PCSK2: variants seen among roughly 807,000 people sequenced by gnomAD.
PCSK2 encodes neuroendocrine convertase 2.
PCSK2 carries 14 observed loss-of-function variants against 69.7 expected under a neutral mutation model. The ratio of observed to expected loss-of-function variants is 0.20; its 90% CI spans 0.13 to 0.31. The LOEUF (loss-of-function observed/expected upper bound fraction) is 0.31, where lower values mean the gene tolerates loss of function less well. Among genes scored for constraint, PCSK2 ranks in the 10% least tolerant of loss-of-function variants. PCSK2 has a pLI of 1.00. For missense variants in PCSK2, 544 were observed against 842.5 expected, an observed-to-expected ratio of 0.65 and a Z score of 4.39; for synonymous variants, 307 against 320.7, an observed-to-expected ratio of 0.96 and a Z score of 0.46.
Position 17,358,137 on chromosome 20 carries a change from C to CA in PCSK2, c.283-190_283-189insA, listed in dbSNP as rs577788732. Among the ~76,000 whole-genome samples, 531 of 151,680 alleles carry CA rather than the reference C, an allele frequency of 3.5e-3. 9 individuals carry two copies. The highest frequency in any genetic ancestry group is 0.012 in the African/African-American group (504 of 41,358). On this transcript the variant is annotated intron_variant, in intron 2 of 11. Coordinates refer to ENST00000262545, the MANE Select transcript of PCSK2 (RefSeq NM_002594.5). ...CCTGGGAAACATAGCGAGACCCCCCCTAATCTCTACAAAAAAATACAAAAT... is the reference window on the plus strand; with the variant it reads ...CCTGGGAAACATAGCGAGACCCCCCCATAATCTCTACAAAAAAATACAAAAT...
intron 5 of PCSK2, among the ~76,000 whole-genome samples, chr20:17,386,813 G>GT (rs1274000614): frequency 2.0e-5 from 3 of 152,066 alleles, no homozygotes; most frequent in African/African-American, 7.2e-5. Context: ...TGAATACATC[G>GT]TTTTTTAAAT....
At chr20:17,232,382 G>A (rs1986171313) in intron 1 of PCSK2, among the ~76,000 whole-genome samples, 1 of 152,220 alleles carries the variant, frequency 6.6e-6, no homozygotes, top group Non-Finnish European at 1.5e-5. Context: ...CTGGTGGTAT[G>A]TAGTAGTGTC....
chr20:17,313,045 A>G (rs1315336858), intron 2 of PCSK2, among the ~76,000 whole-genome samples: 3 of 152,328 alleles, frequency 2.0e-5, no homozygotes, highest in Admixed American at 2.0e-4. Context: ...GTGATCTTAA[A>G]TTTTCTAGTG....
rs780859674 is a variant in PCSK2 at position 17,465,535 on chromosome 20, G to A, written c.1412G>A (p.Gly471Asp). ...TVPERFHCVG[G>D]SVQDPEKIPS... ...CCTGAGAGATTCCACTGTGTGGGAG[G>A]CTCCGTGCAGGACCCTGAGTAAGTG... Residue 471 changes from glycine to aspartate, a missense_variant, in exon 11 of 12, where the codon GGC becomes GAC. By Grantham distance (94) the Gly-to-Asp change is moderately conservative (BLOSUM62 -1). Coordinates refer to ENST00000262545, the MANE Select transcript of PCSK2 (RefSeq NM_002594.5). 3.8e-6 allele frequency: 6 copies of A among 1,599,550 alleles called. No individual in the cohort carries two copies. The African/African-American group carries it at 5.4e-5, about 14-fold the overall frequency.
At position 17,264,954 on chromosome 20, in the gene PCSK2, C is replaced by T. The variant is rs1459551643; in HGVS notation, c.282+4610C>T. On this transcript the variant is annotated intron_variant, in intron 2 of 11. Coordinates refer to ENST00000262545, the MANE Select transcript of PCSK2 (RefSeq NM_002594.5). ...TCTCAGCTCACTGCAAGCTCTGCCTCCCGGGTTCAAGTGTTTCTTGTGCCT... is the reference window on the plus strand; with the variant it reads ...TCTCAGCTCACTGCAAGCTCTGCCTTCCGGGTTCAAGTGTTTCTTGTGCCT... 2.0e-5 allele frequency among the ~76,000 whole-genome samples: 3 copies of T among 152,100 alleles called. No homozygotes were observed. The South Asian group carries it at 6.2e-4, about 32-fold the overall frequency.
intron 2 of PCSK2, among the ~76,000 whole-genome samples, chr20:17,358,043 C>T (rs144348757): frequency 0.013 from 2,002 of 151,986 alleles, 15 homozygotes; most frequent in East Asian, 0.033. Context: ...CAGTGGCTCA[C>T]GCCTGTAATC....
intron 8 of PCSK2, among the ~76,000 whole-genome samples, chr20:17,440,862 CAA>C (rs3076117): frequency 0.058 from 7,072 of 122,766 alleles, 489 homozygotes; most frequent in East Asian, 0.18. Context: ...AACTCTATCT[CAA>C]AAAAAAAAAA....
chr20:17,358,535 C>G (rs1240055201), intron 3 of PCSK2, 95 bp downstream of exon 3: 4 of 725,912 alleles, frequency 5.5e-6, no homozygotes, highest in African/African-American at 1.8e-5. Flanking sequence ...GGATGTTAGC[C>G]AGTATCCAAC....
chr20:17,374,865 T>G (rs564475222), intron 5 of PCSK2, among the ~76,000 whole-genome samples: 4 of 151,318 alleles, frequency 2.6e-5, no homozygotes, highest in Non-Finnish European at 5.9e-5. Context: ...GCAGACAGAG[T>G]CTTCAGCAGA....
intron 2 of PCSK2, among the ~76,000 whole-genome samples, chr20:17,347,882 A>G (rs1245893573): frequency 0.033 from 167 of 4,994 alleles, 2 homozygotes; most frequent in Non-Finnish European, 0.062. Context: ...AAAAGAAAGA[A>G]AGAAAGAAAG....
chr20:17,433,814 C>CTCCCCCTCTCTCTCTCT, intron 7 of PCSK2, among the ~76,000 whole-genome samples: 1 of 70,840 alleles, frequency 1.4e-5, no homozygotes, highest in Non-Finnish European at 2.5e-5. Context: ...TCTCTCTCTC[C>CTCCCCCTCTCTCTCTCT]CCCCACTTCC....
chr20:17,481,255 G>T (rs906426179), intron 11 of PCSK2, among the ~76,000 whole-genome samples: 32 of 151,976 alleles, frequency 2.1e-4, no homozygotes, highest in Non-Finnish European at 5.9e-5. Context: ...GGTGGCACAT[G>T]CCTGTAACCC....
chr20:17,315,273 T>C (rs1302806704), intron 2 of PCSK2, among the ~76,000 whole-genome samples: 2 of 150,954 alleles, frequency 1.3e-5, no homozygotes, highest in Non-Finnish European at 3.0e-5. Flanking sequence ...GTTGGGGATG[T>C]GGTGGGAGGG....
intron 5 of PCSK2, among the ~76,000 whole-genome samples, chr20:17,372,940 C>T (rs1173114275): frequency 1.3e-5 from 2 of 152,046 alleles, no homozygotes; most frequent in Non-Finnish European, 2.9e-5. Context: ...TAGAGTAGAC[C>T]AGCCCAGGAG....
chr20:17,319,269 A>G (rs1989790778), intron 2 of PCSK2, among the ~76,000 whole-genome samples: 1 of 152,224 alleles, frequency 6.6e-6, no homozygotes, highest in African/African-American at 2.4e-5. Context: ...TACCACAAAA[A>G]GTATTTATTA....
intron 5 of PCSK2, among the ~76,000 whole-genome samples, chr20:17,394,722 G>A (rs1212963181): frequency 6.6e-6 from 1 of 152,186 alleles, no homozygotes; most frequent in Admixed American, 6.5e-5. Flanking sequence ...TGTGCACAAA[G>A]GGATTGTGTG....
chr20:17,416,972 T>C (rs945949344), intron 6 of PCSK2, among the ~76,000 whole-genome samples: 1 of 151,088 alleles, frequency 6.6e-6, no homozygotes, highest in African/African-American at 2.4e-5. Context: ...AATTGAACAA[T>C]GAGAACACTT....
chr20:17,428,897 G>T (rs2032303764), intron 6 of PCSK2, among the ~76,000 whole-genome samples: 1 of 148,284 alleles, frequency 6.7e-6, no homozygotes, highest in South Asian at 2.2e-4. Flanking sequence ...TACTGAAGAG[G>T]CTGAGGCAAG....
rs560219453 is a variant in PCSK2 at position 17,270,748 on chromosome 20, G to GC, written c.282+10404_282+10405insC. 6.9e-3 allele frequency among the ~76,000 whole-genome samples: 1,048 copies of GC among 152,202 alleles called. 11 individuals carry two copies. Among genetic ancestry groups the GC allele is most frequent in the African/African-American group, 0.023 (969 of 41,544 alleles). On this transcript the variant is annotated intron_variant, in intron 2 of 11. Transcript: ENST00000262545. ...AGTTTCTTCTCCCAACAGAAGCAAA[G>GC]AAAAGCAATTAAAACCTATTGTGTG...
Sources: gnomAD v4.1 joint callset for allele counts (sites outside exome capture counted in the v4.1 genomes callset) on GRCh38, gnomAD v4.1.1 for gene constraint, MANE v1.5 for transcripts, NCBI Gene and HGNC (gene_info 2026-07-23, HGNC 2026-07-21) for gene names.